Variants in HSD17B14 observed in about 807,000 individuals in gnomAD.
HSD17B14 encodes L-fucose dehydrogenase.
In HSD17B14, 32 loss-of-function variants were observed where a neutral mutation model predicts 32.2. That is an observed-to-expected ratio of 0.99 (90% CI 0.75 to 1.33). The LOEUF is 1.33. Ranked by LOEUF, HSD17B14 falls within the 40% of genes most tolerant of loss-of-function variation. The pLI is 0.00. For synonymous variants in HSD17B14, 140 were observed against 155.4 expected (o/e 0.90, Z 0.74); for missense variants, 370 against 366.5 (o/e 1.01, Z -0.08).
intron 2 of HSD17B14, among the ~76,000 whole-genome samples, 200 bp downstream of exon 2, chr19:48,835,605 C>T (rs1241184865): frequency 2.1e-5 from 3 of 140,904 alleles, no homozygotes; most frequent in African/African-American, 5.4e-5. Context: ...GACCTGGACT[C>T]CTGGGTCTGA....
At chr19:48,825,512 T>C (rs2035229458) in intron 5 of HSD17B14, among the ~76,000 whole-genome samples, 1 of 152,086 alleles carries the variant, frequency 6.6e-6, no homozygotes, top group Non-Finnish European at 1.5e-5. Flanking sequence ...TCTGGTGCTA[T>C]GTTGCCCAGG....
At chr19:48,826,697 G>A (rs1020103352) in intron 5 of HSD17B14, among the ~76,000 whole-genome samples, 4 of 151,316 alleles carry the variant, frequency 2.6e-5, no homozygotes, top group African/African-American at 9.7e-5. Flanking sequence ...CACTGGTTAA[G>A]CAGGGGATTG....
intron 4 of HSD17B14, among the ~76,000 whole-genome samples, chr19:48,832,101 C>T (rs1476988446): frequency 1.3e-4 from 15 of 114,306 alleles, no homozygotes; most frequent in Non-Finnish European, 2.2e-4. Flanking sequence ...AAAAAAAAGC[C>T]GGGTGCAGTG....
chr19:48,829,896 G>A (rs554906757), intron 5 of HSD17B14, among the ~76,000 whole-genome samples: 7 of 152,248 alleles, frequency 4.6e-5, no homozygotes, highest in Admixed American at 2.0e-4. Flanking sequence ...GCCTGCCTCG[G>A]CCTCCCAAAG....
At chr19:48,818,354 A>T (rs1334635279) in intron 5 of HSD17B14, among the ~76,000 whole-genome samples, 1 of 151,112 alleles carries the variant, frequency 6.6e-6, no homozygotes, top group Non-Finnish European at 1.5e-5. Context: ...CCATGCTCTA[A>T]TATGAACGTG....
chr19:48,821,137 T>C (rs938130776), intron 5 of HSD17B14, among the ~76,000 whole-genome samples: 8 of 151,706 alleles, frequency 5.3e-5, no homozygotes, highest in African/African-American at 1.9e-4. Context: ...CTCAGCCTCC[T>C]GAGTAGGTGG....
At chr19:48,828,905 C>CA (rs974136747) in intron 5 of HSD17B14, among the ~76,000 whole-genome samples, 2 of 151,560 alleles carry the variant, frequency 1.3e-5, no homozygotes, top group African/African-American at 2.4e-5. Flanking sequence ...ACTAAAAATA[C>CA]AAAAAAATTA....
chr19:48,823,171 A>G (rs542740689), intron 5 of HSD17B14, among the ~76,000 whole-genome samples: 17 of 151,896 alleles, frequency 1.1e-4, no homozygotes, highest in Non-Finnish European at 1.8e-4. Context: ...TGTTAATTGT[A>G]TTAGGTGATA....
intron 5 of HSD17B14, among the ~76,000 whole-genome samples, chr19:48,816,382 T>C (rs1599825144): frequency 6.6e-6 from 1 of 152,292 alleles, no homozygotes; most frequent in East Asian, 1.9e-4. Flanking sequence ...TTCCGTGCTG[T>C]ATCTTCGACA....
chr19:48,834,206 CA>C, intron 3 of HSD17B14, 69 bp downstream of exon 3: 1 of 1,290,754 alleles, frequency 7.7e-7, no homozygotes, highest in South Asian at 1.2e-5. Flanking sequence ...AAGGCATATG[CA>C]AATGGCTGGA....
chr19:48,834,427 T>C (rs1478497315), intron 2 of HSD17B14, 69 bp from the exon 3 acceptor site: 44 of 960,016 alleles, frequency 4.6e-5, no homozygotes, highest in South Asian at 4.3e-5. Context: ...GGACTTGGAC[T>C]CCTGGGTCTG....
In HSD17B14 at chr19:48,834,540, T is replaced by G. The variant is rs548849591; in HGVS notation, c.128-182A>C. ...AGTAGGGCCTGGGGGCCTGGACTCC[T>G]GGGTCTGAGGGAGGAAGGGCTGGGA... On this transcript the variant is annotated intron_variant, in intron 2 of 8. Coordinates refer to ENST00000263278, the MANE Select transcript of HSD17B14 (RefSeq NM_016246.3). Among the ~76,000 whole-genome samples the G allele has an allele frequency of 2.0e-3, 159 of 80,818 alleles. 3 individuals carry two copies. The highest frequency in any genetic ancestry group is 3.0e-3 in the African/African-American group (30 of 9,906). 53.0% of individuals were successfully genotyped at this position (80,818 alleles called of 152,430 possible). A position where few individuals can be genotyped will look rare whatever the true frequency, so the allele number is the denominator to read the frequency against.
At position 48,831,768 on chromosome 19, in the gene HSD17B14, G is replaced by A; in HGVS notation, c.278-9C>T. On this transcript the variant is annotated splice_polypyrimidine_tract_variant and intron_variant, in intron 4 of 8. Transcript: ENST00000263278. ...CCTCTGTGGGGGTGGGTCTAAAGTG[G>A]GGGGTGAGAGAGAGAGGAAAAGTGA... 6.4e-7 allele frequency: 1 copy of A among 1,564,432 alleles called. No individual in the cohort carries two copies.
At chr19:48,817,334 T>C (rs756478211) in intron 5 of HSD17B14, among the ~76,000 whole-genome samples, 27 of 151,492 alleles carry the variant, frequency 1.8e-4, no homozygotes, top group Admixed American at 3.3e-4. Context: ...TGTGTCACCA[T>C]GCCTGGCTAA....
At chr19:48,829,220 G>A (rs962855025) in intron 5 of HSD17B14, among the ~76,000 whole-genome samples, 3 of 151,770 alleles carry the variant, frequency 2.0e-5, no homozygotes, top group South Asian at 2.1e-4. Flanking sequence ...ACAAGGACTC[G>A]CTCTGTTGCC....
intron 5 of HSD17B14, among the ~76,000 whole-genome samples, chr19:48,824,769 C>CA (rs201759749): frequency 9.4e-4 from 91 of 96,844 alleles, no homozygotes; most frequent in Non-Finnish European, 1.2e-3. Context: ...TAAAGAAAGA[C>CA]AAAAAAAAAA....
At chr19:48,814,706 C>T (rs772115108) in intron 6 of HSD17B14, among the ~76,000 whole-genome samples, 48 of 148,932 alleles carry the variant, frequency 3.2e-4, no homozygotes, top group Admixed American at 9.4e-4. Context: ...TAGCTGGGTG[C>T]GGTGGCATGC....
intron 5 of HSD17B14, among the ~76,000 whole-genome samples, chr19:48,824,659 G>A (rs948866290): frequency 6.6e-5 from 10 of 151,610 alleles, no homozygotes; most frequent in Non-Finnish European, 1.3e-4. Flanking sequence ...CCAGCTACTC[G>A]GGAGGCTGAG....
intron 4 of HSD17B14, among the ~76,000 whole-genome samples, 156 bp downstream of exon 4, chr19:48,832,510 G>C (rs2035356171): frequency 6.6e-6 from 1 of 152,136 alleles, no homozygotes; most frequent in African/African-American, 2.4e-5. Flanking sequence ...GCACAGGCCT[G>C]GGGGGCTTCC....
Sources: gnomAD v4.1 joint callset for allele counts (sites outside exome capture counted in the v4.1 genomes callset) on GRCh38, gnomAD v4.1.1 for gene constraint, MANE v1.5 for transcripts, NCBI Gene and HGNC (gene_info 2026-07-23, HGNC 2026-07-21) for gene names.